The following LCP2 variants were observed in gnomAD, a reference collection of about 807,000 sequenced individuals.
LCP2 encodes lymphocyte cytosolic protein 2.
Under a neutral mutation model 74.5 loss-of-function variants are expected in LCP2, and 29 were observed. That is an observed-to-expected ratio of 0.39 (90% CI 0.29 to 0.53). The LOEUF (loss-of-function observed/expected upper bound fraction) is 0.53, where lower values mean the gene tolerates loss of function less well. Among genes scored for constraint, LCP2 ranks in the 20% least tolerant of loss-of-function variants. The pLI, the probability that LCP2 is intolerant of heterozygous loss-of-function variation, is 0.72. For missense variants in LCP2, 604 were observed against 634.6 expected, an observed-to-expected ratio of 0.95 and a Z score of 0.52; for synonymous variants, 228 against 229.5, an observed-to-expected ratio of 0.99 and a Z score of 0.06.
intron 3 of LCP2, among the ~76,000 whole-genome samples, chr5:170,279,145 C>T (rs1295489347): frequency 6.6e-6 from 1 of 152,170 alleles, no homozygotes; most frequent in African/African-American, 2.4e-5. Flanking sequence ...GGCTGGGCAG[C>T]CATAGACAGC....
At chr5:170,281,191 TG>T (rs1762093656) in intron 3 of LCP2, among the ~76,000 whole-genome samples, 1 of 152,012 alleles carries the variant, frequency 6.6e-6, no homozygotes, top group South Asian at 2.1e-4. Flanking sequence ...TGACAAGAGC[TG>T]GGTCCCTGGA....
At chr5:170,294,188 T>C (rs1463742001) in intron 1 of LCP2, among the ~76,000 whole-genome samples, 2 of 152,236 alleles carry the variant, frequency 1.3e-5, no homozygotes, top group Admixed American at 1.3e-4. Flanking sequence ...ATAACTTATA[T>C]ACAGTAAGTA....
At chr5:170,258,331 G>A in intron 15 of LCP2, 165 bp from the exon 16 acceptor site, 2 of 645,622 alleles carry the variant, frequency 3.1e-6, no homozygotes, top group Non-Finnish European at 5.2e-6. Flanking sequence ...TTGCTCCCAG[G>A]GTGTTTCTAG....
chr5:170,291,657 G>T (rs765792273), intron 2 of LCP2, among the ~76,000 whole-genome samples: 1 of 152,154 alleles, frequency 6.6e-6, no homozygotes, highest in South Asian at 2.1e-4. Context: ...GCCGGGAGGG[G>T]CCATCACCCA....
At chr5:170,270,378 T>C (rs1761875155) in intron 7 of LCP2, 1 of 233,108 alleles carries the variant, frequency 4.3e-6, no homozygotes. Flanking sequence ...TTGGAGTACC[T>C]GAGTAAACTG....
intron 4 of LCP2, 64 bp downstream of exon 4, chr5:170,275,731 C>G (rs1427849516): frequency 1.5e-6 from 2 of 1,341,146 alleles, no homozygotes; most frequent in East Asian, 2.5e-5. Context: ...AGTTCTGTGC[C>G]TCCCTTTTAA....
intron 3 of LCP2, among the ~76,000 whole-genome samples, chr5:170,281,354 A>G (rs1251767472): frequency 6.6e-6 from 1 of 151,768 alleles, no homozygotes; most frequent in Non-Finnish European, 1.5e-5. Context: ...ATCTTGGCTC[A>G]CTGCAAGTTC....
At chr5:170,290,271 C>T (rs2113213417) in intron 2 of LCP2, among the ~76,000 whole-genome samples, 1 of 152,196 alleles carries the variant, frequency 6.6e-6, no homozygotes, top group Admixed American at 6.5e-5. Flanking sequence ...ACAAACTGGG[C>T]CCTGGTGGGA....
chr5:170,265,968 G>A (rs1053426167), intron 10 of LCP2, among the ~76,000 whole-genome samples: 26 of 152,156 alleles, frequency 1.7e-4, no homozygotes, highest in African/African-American at 5.3e-4. Flanking sequence ...ACAAGTGTTC[G>A]AATTTAGGCA....
At chr5:170,289,631 TTCTTTCTTTC>T (rs1581076079) in intron 2 of LCP2, among the ~76,000 whole-genome samples, 1 of 101,046 alleles carries the variant, frequency 9.9e-6, no homozygotes, top group South Asian at 3.5e-4. Flanking sequence ...CTTTCTTTCT[TTCTTTCTTTC>T]TTTCTTTCTT....
intron 2 of LCP2, among the ~76,000 whole-genome samples, chr5:170,289,436 G>A (rs1762238236): frequency 6.6e-6 from 1 of 152,180 alleles, no homozygotes; most frequent in African/African-American, 2.4e-5. Flanking sequence ...GGGCATCTTA[G>A]CAATGTGTTC....
intron 3 of LCP2, among the ~76,000 whole-genome samples, chr5:170,276,776 C>T (rs1408011976): frequency 6.6e-6 from 1 of 152,074 alleles, no homozygotes. Context: ...CTTAGTGTTT[C>T]CTCGAGATTT....
chr5:170,292,209 C>A (rs915337099), intron 2 of LCP2, among the ~76,000 whole-genome samples: 2 of 152,094 alleles, frequency 1.3e-5, no homozygotes, highest in Non-Finnish European at 2.9e-5. Flanking sequence ...GTCAAGTGAA[C>A]GAATAGGCGA....
rs1761327457 is a variant in LCP2 at position 170,247,610 on chromosome 5, AT to A, written c.*1086del. Reference sequence around the variant, plus strand: ...TTTTTTAATCTGGCTGAATGCCTATATTTTTTGTTAAGTGATATTTGTAAAC... The same window carrying A: ...TTTTTTAATCTGGCTGAATGCCTATATTTTTGTTAAGTGATATTTGTAAAC... On this transcript the variant is annotated 3_prime_UTR_variant, in exon 21 of 21. Transcript: ENST00000046794. The A allele has an allele frequency of 6.6e-6, 1 of 152,182 alleles. No individual in the cohort carries two copies. Among genetic ancestry groups the A allele is most frequent in the South Asian group, 2.1e-4 (1 of 4,834 alleles). The allele number at this position is 152,182 out of a possible 1,614,324, so 9.4% of individuals were successfully genotyped here.
intron 16 of LCP2, among the ~76,000 whole-genome samples, chr5:170,257,530 GCCTTTCT>G (rs1761576791): frequency 6.6e-6 from 1 of 152,086 alleles, no homozygotes; most frequent in African/African-American, 2.4e-5. Context: ...CAATGACTGG[GCCTTTCT>G]CCTGTTCATG....
In LCP2 at chr5:170,258,088, C is replaced by T. The variant is rs375328822; in HGVS notation, c.1049G>A (p.Ser350Asn). ...AGAGGATGGGAGAGGGTTCATGGGA[C>T]TTGGCTTAGTAGATCTTGAAGGGAA... ...NTFPSRSTKP[S>N]PMNPLPSSHM... is the part of the protein sequence containing the mutation. Residue 350 changes from serine to asparagine, a missense_variant, in exon 16 of 21, where the codon AGT becomes AAT. Coordinates refer to ENST00000046794, the MANE Select transcript of LCP2 (RefSeq NM_005565.5). 2 of 1,613,782 alleles carry T rather than the reference C, an allele frequency of 1.2e-6. No individual in the cohort carries two copies. The highest frequency in any genetic ancestry group is 2.7e-5 in the African/African-American group (2 of 74,896).
intron 13 of LCP2, 132 bp from the exon 14 acceptor site, chr5:170,261,269 A>G: frequency 1.5e-6 from 1 of 677,896 alleles, no homozygotes. Context: ...GGGAAGCAAC[A>G]GACCCCCACA....
At chr5:170,286,749 C>A (rs1284009417) in intron 3 of LCP2, among the ~76,000 whole-genome samples, 2 of 152,170 alleles carry the variant, frequency 1.3e-5, no homozygotes, top group African/African-American at 4.8e-5. Flanking sequence ...TATAGTCATG[C>A]TAAAAATATT....
At chr5:170,258,734 G>T (rs569802980) in intron 15 of LCP2, 132 bp downstream of exon 15, 2 of 595,748 alleles carry the variant, frequency 3.4e-6, no homozygotes, top group Non-Finnish European at 5.9e-6. Context: ...ATTGACATAA[G>T]TCTACTTAAT....
Sources: allele counts gnomAD v4.1 joint callset (sites outside exome capture counted in the v4.1 genomes callset), GRCh38; gene constraint gnomAD v4.1.1; transcripts MANE v1.5; gene names NCBI Gene and HGNC (gene_info 2026-07-23, HGNC 2026-07-21).